The following TAOK3 variants were observed in gnomAD, a reference collection of about 807,000 sequenced individuals.
TAOK3 encodes serine/threonine-protein kinase TAO3.
In TAOK3, 40 loss-of-function variants were observed where a neutral mutation model predicts 120.4. The observed-to-expected ratio is 0.33, with a 90% CI of 0.26 to 0.43. The LOEUF (loss-of-function observed/expected upper bound fraction) is 0.43. Among genes scored for constraint, TAOK3 ranks in the 20% least tolerant of loss-of-function variants. The pLI is 1.00. For synonymous variants in TAOK3, 355 were observed against 387.5 expected (o/e 0.92, Z 0.99); for missense variants, 821 against 1,112.1 (o/e 0.74, Z 3.72).
At chr12:118,272,402 A>G (rs1253393071) in intron 1 of TAOK3, among the ~76,000 whole-genome samples, 1 of 152,086 alleles carries the variant, frequency 6.6e-6, no homozygotes, top group Non-Finnish European at 1.5e-5. Flanking sequence ...AAGAAAGATG[A>G]TTCATTGAAG....
intron 3 of TAOK3, among the ~76,000 whole-genome samples, chr12:118,245,570 A>C (rs1002268168): frequency 2.0e-5 from 3 of 151,710 alleles, no homozygotes; most frequent in Non-Finnish European, 4.4e-5. Context: ...TGCCCGCCTC[A>C]GCCTCCCAAA....
At chr12:118,305,307 C>A (rs1319031446) in intron 1 of TAOK3, among the ~76,000 whole-genome samples, 7 of 151,896 alleles carry the variant, frequency 4.6e-5, no homozygotes, top group Non-Finnish European at 1.5e-5. Flanking sequence ...GTGGTGAAAC[C>A]CTGTCTCTAC....
chr12:118,365,948 G>C (rs1168403667), intron 1 of TAOK3, among the ~76,000 whole-genome samples: 2 of 152,156 alleles, frequency 1.3e-5, no homozygotes, highest in African/African-American at 4.8e-5. Context: ...GAAACTAAAA[G>C]CTAATGTTCA....
At chr12:118,345,939 T>G (rs758456152) in intron 1 of TAOK3, among the ~76,000 whole-genome samples, 4 of 152,182 alleles carry the variant, frequency 2.6e-5, no homozygotes, top group Non-Finnish European at 2.9e-5. Flanking sequence ...TGAATATTGA[T>G]ACGGTAATGA....
intron 1 of TAOK3, among the ~76,000 whole-genome samples, chr12:118,321,816 ATATTT>A (rs1402468381): frequency 6.6e-6 from 1 of 152,028 alleles, no homozygotes; most frequent in African/African-American, 2.4e-5. Context: ...TTTTGTGAGT[ATATTT>A]TATTTTTGCA....
At chr12:118,355,857 A>C (rs2045367975) in intron 1 of TAOK3, among the ~76,000 whole-genome samples, 2 of 152,194 alleles carry the variant, frequency 1.3e-5, no homozygotes, top group Non-Finnish European at 1.5e-5. Flanking sequence ...TAGGTATTAT[A>C]ATTATATCAA....
intron 1 of TAOK3, chr12:118,295,459 T>C (rs529261835): frequency 1.3e-5 from 2 of 152,352 alleles, no homozygotes; most frequent in African/African-American, 4.8e-5. Context: ...TTGGTCGGTA[T>C]ACTCATTATA....
chr12:118,281,264 G>C lies in TAOK3; in HGVS notation c.-193-14505C>G, dbSNP rs549185960. On this transcript the variant is annotated intron_variant, in intron 1 of 20. Coordinates refer to ENST00000392533, the MANE Select transcript of TAOK3 (RefSeq NM_016281.4). The stretch of plus-strand genomic sequence containing the variant: ...AGGAGTGGTGATAGGGTCTTGTTCT[G>C]GTTTTCAAGGGGAATGCTTTGGCTT... 4.4e-3 allele frequency among the ~76,000 whole-genome samples: 673 copies of C among 152,180 alleles called. 5 individuals carry two copies. Among genetic ancestry groups the C allele is most frequent in the Non-Finnish European group, 7.1e-3 (483 of 67,994 alleles).
At chr12:118,250,469 A>C (rs1593298389) in intron 3 of TAOK3, among the ~76,000 whole-genome samples, 1 of 152,216 alleles carries the variant, frequency 6.6e-6, no homozygotes, top group African/African-American at 2.4e-5. Context: ...ACAGAATTAT[A>C]GTGTTTAGGT....
intron 1 of TAOK3, among the ~76,000 whole-genome samples, chr12:118,357,427 A>C (rs567021352): frequency 6.6e-6 from 1 of 152,324 alleles, no homozygotes; most frequent in South Asian, 2.1e-4. Context: ...TTTCCACAAA[A>C]GGGTCAGTGT....
At chr12:118,360,196 C>T (rs1243159028) in intron 1 of TAOK3, among the ~76,000 whole-genome samples, 1 of 150,222 alleles carries the variant, frequency 6.7e-6, no homozygotes, top group Non-Finnish European at 1.5e-5. Context: ...ACCCAGGAGG[C>T]GGAGGCTGCA....
rs200376712 is a variant in TAOK3, at chr12:118,243,520, T to C, written c.193-4A>G. 2.0e-4 allele frequency: 267 copies of C among 1,340,382 alleles called. 1 individual carries two copies. In the Middle Eastern group the frequency reaches 2.5e-3, roughly 12 times the overall value. 83.0% of individuals were successfully genotyped at this position (1,340,382 alleles called of 1,614,324 possible). ...CCTTAAGAATATCTTGCCATTTCTA[T>C]TGAAGTCAGAAAAGGAACATTTTAA... On this transcript the variant is annotated splice_region_variant and splice_polypyrimidine_tract_variant and intron_variant, in intron 4 of 20. Transcript: ENST00000392533.
At chr12:118,284,446 C>T (rs1034408024) in intron 1 of TAOK3, among the ~76,000 whole-genome samples, 6 of 151,886 alleles carry the variant, frequency 4.0e-5, no homozygotes, top group Non-Finnish European at 8.8e-5. Context: ...TACAGAGCCT[C>T]GAAAAGACAT....
intron 1 of TAOK3, among the ~76,000 whole-genome samples, chr12:118,268,504 C>A (rs2041555118): frequency 6.6e-6 from 1 of 152,170 alleles, no homozygotes; most frequent in South Asian, 2.1e-4. Context: ...ATTTCTGTTA[C>A]TCCTTCCGAT....
intron 9 of TAOK3, among the ~76,000 whole-genome samples, chr12:118,220,120 C>T (rs1313648341): frequency 6.6e-6 from 1 of 151,806 alleles, no homozygotes; most frequent in African/African-American, 2.4e-5. Context: ...ATTGCCCAAG[C>T]TTGTCTCAAA....
chr12:118,161,686 T>C lies in TAOK3; in HGVS notation c.2139+102A>G, dbSNP rs904628555. 4.9e-6 allele frequency: 7 copies of C among 1,438,514 alleles called. No homozygotes were observed. Among genetic ancestry groups the C allele is most frequent in the Non-Finnish European group, 6.7e-6 (7 of 1,043,352 alleles). The allele number at this position is 1,438,514 out of a possible 1,614,324, so 89.1% of individuals were successfully genotyped here. The stretch of plus-strand genomic sequence containing the variant: ...AGATTCTGATACAATAGGTGTGGGG[T>C]GCAGAAATTTGTGATTCTGAAAAGT... On this transcript the variant is annotated intron_variant, in intron 18 of 20. Transcript: ENST00000392533. This position sits in a 1 kb window ranked among gnomAD's most constrained non-coding sequence, Gnocchi z 4.5.
At chr12:118,270,436 AAAG>A (rs1368498904) in intron 1 of TAOK3, among the ~76,000 whole-genome samples, 12 of 152,320 alleles carry the variant, frequency 7.9e-5, no homozygotes, top group African/African-American at 2.9e-4. Context: ...CCTATGGGAT[AAAG>A]AATAACAATA....
chr12:118,204,417 T>C (rs985232184), intron 11 of TAOK3, among the ~76,000 whole-genome samples: 2 of 152,142 alleles, frequency 1.3e-5, no homozygotes, highest in Admixed American at 6.6e-5. Flanking sequence ...TTTAAACAGA[T>C]AAAAAATAAT....
At chr12:118,253,381 T>C (rs2040838591) in intron 3 of TAOK3, among the ~76,000 whole-genome samples, 1 of 152,218 alleles carries the variant, frequency 6.6e-6, no homozygotes, top group African/African-American at 2.4e-5. Flanking sequence ...TAATAATTAG[T>C]ACTTAATTTA....
Sources: gnomAD v4.1 joint callset for allele counts (sites outside exome capture counted in the v4.1 genomes callset) on GRCh38, gnomAD v4.1.1 for gene constraint, Gnocchi (gnomAD v3.1) non-coding constraint, MANE v1.5 for transcripts, NCBI Gene and HGNC (gene_info 2026-07-23, HGNC 2026-07-21) for gene names.